The following FHIT variants were observed in gnomAD, a reference collection of about 807,000 sequenced individuals.
FHIT encodes the protein bis(5'-adenosyl)-triphosphatase.
Under a neutral mutation model 17.9 loss-of-function variants are expected in FHIT, and 19 were observed. The ratio of observed to expected loss-of-function variants is 1.06; its 90% CI spans 0.74 to 1.56. The LOEUF (loss-of-function observed/expected upper bound fraction) is 1.56, where lower values mean the gene tolerates loss of function less well. FHIT is among the 40% of genes most tolerant of loss of function. The pLI, the probability that FHIT is intolerant of heterozygous loss-of-function variation, is 0.00. For missense variants in FHIT, 248 were observed against 189.2 expected, an observed-to-expected ratio of 1.31 and a Z score of -1.82; for synonymous variants, 81 against 69.7, an observed-to-expected ratio of 1.16 and a Z score of -0.81.
rs536745292 is a variant in FHIT at position 60,165,923 on chromosome 3, T to A, written c.104-151771A>T. On this transcript the variant is annotated intron_variant, in intron 5 of 9. Transcript: ENST00000492590. ...CGTGATACCTTACAGCAACTTCTGT[T>A]TTTTTCACCGGACATCTATGGCATT... Among the ~76,000 whole-genome samples, 72 of 152,254 alleles carry A rather than the reference T, an allele frequency of 4.7e-4. 1 individual carries two copies. In the South Asian group the frequency reaches 0.014, roughly 30 times the overall value.
intron 4 of FHIT, among the ~76,000 whole-genome samples, chr3:60,595,272 G>A (rs1553665849): frequency 2.0e-5 from 3 of 152,036 alleles, no homozygotes; most frequent in Admixed American, 1.3e-4. Context: ...CAAGAAAGTA[G>A]GATGGACAAA....
At chr3:61,152,169 G>A (rs1328230503) in intron 2 of FHIT, among the ~76,000 whole-genome samples, 1 of 152,126 alleles carries the variant, frequency 6.6e-6, no homozygotes, top group Admixed American at 6.5e-5. Context: ...GACTCTTTAG[G>A]CTGAAACTTA....
chr3:60,755,371 T>C (rs916894347), intron 4 of FHIT, among the ~76,000 whole-genome samples: 11 of 152,188 alleles, frequency 7.2e-5, no homozygotes, highest in Admixed American at 1.3e-4. Context: ...TGCAGGCCCA[T>C]AGCTACCCGA....
At chr3:60,693,411 C>A (rs1428209626) in intron 4 of FHIT, among the ~76,000 whole-genome samples, 2 of 152,178 alleles carry the variant, frequency 1.3e-5, no homozygotes, top group Admixed American at 1.3e-4. Flanking sequence ...AAGTTTCTCT[C>A]TATCTAGATA....
chr3:60,766,350 C>G (rs1405665252), intron 4 of FHIT, among the ~76,000 whole-genome samples: 1 of 152,164 alleles, frequency 6.6e-6, no homozygotes, highest in Non-Finnish European at 1.5e-5. Context: ...TCCAATGGCT[C>G]TAACACCCAA....
At chr3:61,005,429 G>A (rs77670364) in intron 3 of FHIT, among the ~76,000 whole-genome samples, 1 of 152,100 alleles carries the variant, frequency 6.6e-6, no homozygotes, top group Non-Finnish European at 1.5e-5. Flanking sequence ...GATGGTGATG[G>A]TACTGGTGAT....
intron 3 of FHIT, among the ~76,000 whole-genome samples, chr3:60,838,684 T>C (rs1309811596): frequency 1.3e-5 from 2 of 151,972 alleles, no homozygotes; most frequent in African/African-American, 2.4e-5. Flanking sequence ...ATAATACATG[T>C]AGGAAGAGCT....
chr3:61,171,771 C>T (rs1250997491), intron 2 of FHIT, among the ~76,000 whole-genome samples: 1 of 152,232 alleles, frequency 6.6e-6, no homozygotes, highest in African/African-American at 2.4e-5. Context: ...CTGGGCATCA[C>T]CTGGCACTTG....
At chr3:61,239,784 T>C (rs1002844334) in intron 1 of FHIT, among the ~76,000 whole-genome samples, 27 of 139,662 alleles carry the variant, frequency 1.9e-4, no homozygotes, top group Non-Finnish European at 1.4e-4. Flanking sequence ...TATATATATA[T>C]ACACAAATTC....
chr3:60,524,223 C>G lies in FHIT; in HGVS notation c.103+12637G>C, dbSNP rs1272277284. On this transcript the variant is annotated intron_variant, in intron 5 of 9. Coordinates refer to ENST00000492590, the MANE Select transcript of FHIT (RefSeq NM_002012.4). ...ACACACACACACACACACACACACA[C>G]ACACACACACACACACACACACACA... Among the ~76,000 whole-genome samples, 98 of 94,964 alleles carry G rather than the reference C, an allele frequency of 1.0e-3. No homozygotes were observed. In the East Asian group the frequency reaches 0.014, roughly 13 times the overall value. 62.3% of individuals were successfully genotyped at this position (94,964 alleles called of 152,430 possible). A position where few individuals can be genotyped will look rare whatever the true frequency, so the allele number is the denominator to read the frequency against.
At chr3:59,792,871 T>TG (rs1559610654) in intron 8 of FHIT, among the ~76,000 whole-genome samples, 3,297 of 118,750 alleles carry the variant, frequency 0.028, 73 homozygotes, top group Middle Eastern at 0.046. Flanking sequence ...TCCTTATTTT[T>TG]TGGGGGGGGG....
intron 2 of FHIT, among the ~76,000 whole-genome samples, chr3:61,087,422 G>A (rs1188053055): frequency 6.6e-6 from 1 of 152,060 alleles, no homozygotes; most frequent in Non-Finnish European, 1.5e-5. Flanking sequence ...CTTTCCAGAT[G>A]TATAACTTCC....
chr3:61,146,515 G>A (rs2037230820), intron 2 of FHIT, among the ~76,000 whole-genome samples: 1 of 152,068 alleles, frequency 6.6e-6, no homozygotes, highest in East Asian at 1.9e-4. Context: ...GGCTTCTACA[G>A]TAAAAGCAGT....
chr3:60,412,395 A>T (rs542252408), intron 5 of FHIT, among the ~76,000 whole-genome samples: 1 of 152,220 alleles, frequency 6.6e-6, no homozygotes, highest in Non-Finnish European at 1.5e-5. Flanking sequence ...TTTCACATTT[A>T]GGTCCCTAGA....
At chr3:59,889,732 AC>A (rs1703772506) in intron 8 of FHIT, among the ~76,000 whole-genome samples, 1 of 152,240 alleles carries the variant, frequency 6.6e-6, no homozygotes, top group African/African-American at 2.4e-5. Context: ...TTTAATAAAT[AC>A]AGTCTTTGGT....
chr3:60,290,275 C>G (rs980368607), intron 5 of FHIT, among the ~76,000 whole-genome samples: 2 of 152,126 alleles, frequency 1.3e-5, no homozygotes, highest in Non-Finnish European at 2.9e-5. Context: ...ATCAGCCCAC[C>G]ACCTCCTGCT....
rs1705031951 is a variant in FHIT at position 60,882,682 on chromosome 3, C to G, written c.-110-60671G>C. Reference sequence around the variant, plus strand: ...TTCAACATCCCTTCCTGATAAAAACCCTGAACAAACTAAGTATAGAATAAG... The same window carrying G: ...TTCAACATCCCTTCCTGATAAAAACGCTGAACAAACTAAGTATAGAATAAG... On this transcript the variant is annotated intron_variant, in intron 3 of 9. Coordinates refer to ENST00000492590, the MANE Select transcript of FHIT (RefSeq NM_002012.4). Among the ~76,000 whole-genome samples the G allele has an allele frequency of 2.6e-5, 4 of 151,960 alleles. No individual in the cohort carries two copies. In the East Asian group the frequency reaches 5.8e-4, roughly 22 times the overall value.
chr3:60,913,397 A>G (rs782207109), intron 3 of FHIT, among the ~76,000 whole-genome samples: 4 of 152,230 alleles, frequency 2.6e-5, no homozygotes, highest in African/African-American at 4.8e-5. Flanking sequence ...ACAGAACAGA[A>G]CATCAGTTTC....
At chr3:59,780,438 G>C (rs1702527765) in intron 8 of FHIT, among the ~76,000 whole-genome samples, 1 of 152,204 alleles carries the variant, frequency 6.6e-6, no homozygotes, top group Admixed American at 6.5e-5. Flanking sequence ...TCTATGTACA[G>C]GAATGAATCA....
Sources: allele counts gnomAD v4.1 joint callset (sites outside exome capture counted in the v4.1 genomes callset), GRCh38; gene constraint gnomAD v4.1.1; transcripts MANE v1.5; gene names NCBI Gene and HGNC (gene_info 2026-07-23, HGNC 2026-07-21).